ATP7B: variants seen among roughly 807,000 people sequenced by gnomAD.
ATP7B encodes copper-transporting ATPase 2.
Under a neutral mutation model 118.9 loss-of-function variants are expected in ATP7B, and 113 were observed. That is an observed-to-expected ratio of 0.95 (90% CI 0.82 to 1.11). The LOEUF (loss-of-function observed/expected upper bound fraction) is 1.11. Ranked by LOEUF, ATP7B falls within the 50% of genes most tolerant of loss-of-function variation. The pLI, the probability that ATP7B is intolerant of heterozygous loss-of-function variation, is 0.00. For missense variants in ATP7B, 1,867 were observed against 1,871.4 expected (o/e 1.00, Z 0.04); for synonymous variants, 777 against 727.4 (o/e 1.07, Z -1.10).
intron 4 of ATP7B, 107 bp from the exon 5 acceptor site, chr13:51,965,140 C>A: frequency 7.2e-7 from 1 of 1,382,022 alleles, no homozygotes; most frequent in Non-Finnish European, 1.0e-6. Flanking sequence ...TTTCCCTCCT[C>A]AGCACTGCTC....
At position 51,946,467 on chromosome 13, in the gene ATP7B, CTTG is replaced by C. The variant is rs1422395365; in HGVS notation, c.2874_2876del (p.Asn958del). 6.2e-7 allele frequency: 1 copy of C among 1,614,204 alleles called. No homozygotes were observed. Among genetic ancestry groups the C allele is most frequent in the Non-Finnish European group, 8.5e-7 (1 of 1,180,026 alleles). On this transcript the variant is annotated inframe_deletion, in exon 13 of 21. Transcript: ENST00000242839. ...TGATCACCTCTGTCTGGGAGATGTG[CTTG>C]TTGGGGTTCTGAAAACAGGACAGAG...
chr13:51,984,904 T>C (rs1281733203), intron 1 of ATP7B, among the ~76,000 whole-genome samples: 1 of 151,480 alleles, frequency 6.6e-6, no homozygotes, highest in Non-Finnish European at 1.5e-5. Context: ...CTTACAAGAG[T>C]TCCTGAAGGG....
chr13:51,955,646 C>T (rs1304487436), intron 9 of ATP7B, among the ~76,000 whole-genome samples: 3 of 152,188 alleles, frequency 2.0e-5, no homozygotes, highest in South Asian at 2.1e-4. Flanking sequence ...CCATCAGAGG[C>T]GCCTCAAACT....
intron 13 of ATP7B, among the ~76,000 whole-genome samples, chr13:51,945,445 C>T (rs995007962): frequency 1.3e-5 from 2 of 152,104 alleles, no homozygotes; most frequent in Non-Finnish European, 1.5e-5. Flanking sequence ...CACCTTCTGT[C>T]CCCATTTTGG....
chr13:51,994,619 A>T (rs1056768172), intron 1 of ATP7B, among the ~76,000 whole-genome samples: 2 of 152,250 alleles, frequency 1.3e-5, no homozygotes, highest in African/African-American at 4.8e-5. Context: ...ATTTCAACGT[A>T]TGTAAATCTC....
In ATP7B at chr13:52,011,372, G is replaced by C; in HGVS notation, c.-35C>G. On this transcript the variant is annotated 5_prime_UTR_variant, in exon 1 of 21. Coordinates refer to ENST00000242839, the MANE Select transcript of ATP7B (RefSeq NM_000053.4). ...CGGACACCGAATTCTTCTCTGATCTGGCTCAGAGCAAAAGGTCACCTGGTC... is the reference window on the plus strand; with the variant it reads ...CGGACACCGAATTCTTCTCTGATCTCGCTCAGAGCAAAAGGTCACCTGGTC... 6.2e-7 allele frequency: 1 copy of C among 1,613,856 alleles called. No individual in the cohort carries two copies. The highest frequency in any genetic ancestry group is 8.5e-7 in the Non-Finnish European group (1 of 1,179,724).
At chr13:51,984,570 C>T (rs1023674249) in intron 1 of ATP7B, among the ~76,000 whole-genome samples, 4 of 152,112 alleles carry the variant, frequency 2.6e-5, no homozygotes, top group Non-Finnish European at 5.9e-5. Context: ...GAGAACACAA[C>T]AAAGATACTC....
intron 9 of ATP7B, among the ~76,000 whole-genome samples, chr13:51,952,743 C>G (rs1958087039): frequency 6.6e-6 from 1 of 152,234 alleles, no homozygotes. Context: ...GGAACAGTCT[C>G]TGTGCTACGA....
intron 1 of ATP7B, among the ~76,000 whole-genome samples, chr13:51,976,711 T>C (rs1049846408): frequency 1.3e-5 from 2 of 152,208 alleles, no homozygotes; most frequent in East Asian, 1.9e-4. Flanking sequence ...GTACAGCATG[T>C]TACTGTACTG....
At position 51,974,395 on chromosome 13, in the gene ATP7B, A is replaced by C; in HGVS notation, c.825T>G (p.Ile275Met). ...CTAGGAGCTGGCCAATATTTTCTTC[A>C]ATATTCAAGACGCAAGACTTACAAT... ...GMHCKSCVLN[I>M]EENIGQLLGV... Residue 275 changes from isoleucine to methionine, a missense_variant, in exon 2 of 21, where the codon ATT becomes ATG. Ile to Met is a conservative substitution (Grantham distance 10). Coordinates refer to ENST00000242839, the MANE Select transcript of ATP7B (RefSeq NM_000053.4). 6.2e-7 allele frequency: 1 copy of C among 1,613,946 alleles called. No homozygotes were observed. The highest frequency in any genetic ancestry group is 8.5e-7 in the Non-Finnish European group (1 of 1,180,032).
At chr13:51,984,037 G>C (rs1234801763) in intron 1 of ATP7B, among the ~76,000 whole-genome samples, 2 of 152,034 alleles carry the variant, frequency 1.3e-5, no homozygotes, top group Non-Finnish European at 2.9e-5. Flanking sequence ...TCGCCAGCAA[G>C]GGAACAAAAC....
chr13:51,979,496 AATAAC>A (rs1406829288), intron 1 of ATP7B, among the ~76,000 whole-genome samples: 2 of 152,228 alleles, frequency 1.3e-5, no homozygotes, highest in Non-Finnish European at 2.9e-5. Context: ...TTAAAATTAA[AATAAC>A]ATGAGCACAA....
intron 1 of ATP7B, chr13:51,975,475 C>A: frequency 3.6e-6 from 2 of 552,522 alleles, no homozygotes; most frequent in Non-Finnish European, 3.5e-6. Flanking sequence ...ATATGGAATG[C>A]AGCACGGCTG....
Position 51,939,039 on chromosome 13 carries a change from A to G in ATP7B, c.3699+12T>C. The G allele has an allele frequency of 1.9e-6, 3 of 1,614,238 alleles. No homozygotes were observed. In the South Asian group the frequency reaches 3.3e-5, roughly 18 times the overall value. ...TGAGCTTTACACAGTTTGCAACATT[A>G]AAGGGCTGTACCTGGGTGGCAATAG... On this transcript the variant is annotated intron_variant, in intron 17 of 20. Transcript: ENST00000242839.
intron 6 of ATP7B, among the ~76,000 whole-genome samples, chr13:51,961,581 C>G (rs1958746191): frequency 6.6e-6 from 1 of 152,246 alleles, no homozygotes; most frequent in South Asian, 2.1e-4. Context: ...CACAGTCACA[C>G]TAGCTGCATT....
At chr13:52,007,794 T>C (rs1593882930) in intron 1 of ATP7B, among the ~76,000 whole-genome samples, 2 of 152,254 alleles carry the variant, frequency 1.3e-5, no homozygotes, top group African/African-American at 2.4e-5. Context: ...GGTTGGGTAA[T>C]TTGCTAGAAC....
intron 9 of ATP7B, among the ~76,000 whole-genome samples, chr13:51,952,183 C>T (rs751648734): frequency 5.3e-5 from 8 of 152,182 alleles, no homozygotes; most frequent in Admixed American, 1.3e-4. Context: ...GACAGAGATG[C>T]TGCGGGGGGA....
At chr13:51,957,364 G>C in intron 9 of ATP7B, 152 bp downstream of exon 9, 1 of 817,432 alleles carries the variant, frequency 1.2e-6, no homozygotes, top group South Asian at 1.5e-5. Context: ...TCAATGCCTT[G>C]CTTTCGTAGC....
In ATP7B at chr13:51,971,595, TTATAC is replaced by T. The variant is rs1370259468; in HGVS notation, c.1286-851_1286-847del. ...ACACAAAAACAGGCAGATGTTTACC[TTATAC>T]TATATTTCTTACCTATTGCGTACAG... On this transcript the variant is annotated intron_variant, in intron 2 of 20. Coordinates refer to ENST00000242839, the MANE Select transcript of ATP7B (RefSeq NM_000053.4). Among the ~76,000 whole-genome samples the T allele has an allele frequency of 3.3e-5, 5 of 152,378 alleles. No individual in the cohort carries two copies. The East Asian group carries it at 7.7e-4, about 23-fold the overall frequency.
Sources: gnomAD v4.1 joint callset for allele counts (sites outside exome capture counted in the v4.1 genomes callset) on GRCh38, gnomAD v4.1.1 for gene constraint, MANE v1.5 for transcripts, NCBI Gene and HGNC (gene_info 2026-07-23, HGNC 2026-07-21) for gene names.